The following SGCD variants were observed in gnomAD, a reference collection of about 807,000 sequenced individuals.
SGCD encodes the protein delta-sarcoglycan.
In SGCD, 18 loss-of-function variants were observed where a neutral mutation model predicts 36.6. The observed-to-expected ratio is 0.49, with a 90% CI of 0.34 to 0.73. The LOEUF is 0.73. SGCD is among the 30% of genes least tolerant of loss of function. The pLI, the probability that SGCD is intolerant of heterozygous loss-of-function variation, is 0.01. For missense variants in SGCD, 387 were observed against 346.7 expected, an observed-to-expected ratio of 1.12 and a Z score of -0.92; for synonymous variants, 133 against 130.6, an observed-to-expected ratio of 1.02 and a Z score of -0.12.
chr5:156,495,621 G>T (rs540384350), intron 3 of SGCD, among the ~76,000 whole-genome samples: 1 of 152,108 alleles, frequency 6.6e-6, no homozygotes, highest in Non-Finnish European at 1.5e-5. Context: ...CATCTTAATC[G>T]GACTTTACTG....
upstream of SGCD, among the ~76,000 whole-genome samples, chr5:156,325,855 C>T (rs546409888): frequency 3.6e-4 from 55 of 152,244 alleles, no homozygotes; most frequent in South Asian, 0.01. Flanking sequence ...ACACCGCCTC[C>T]CACCCCACTG....
At chr5:156,382,269 C>T (rs1771024660) in intron 3 of SGCD, among the ~76,000 whole-genome samples, 1 of 152,134 alleles carries the variant, frequency 6.6e-6, no homozygotes, top group South Asian at 2.1e-4. Context: ...CTGCCCTAAA[C>T]ACTCCCCTGC....
chr5:156,146,755 A>G (rs1030487646), intron 3 of SGCD, among the ~76,000 whole-genome samples: 2 of 152,214 alleles, frequency 1.3e-5, no homozygotes, highest in Non-Finnish European at 2.9e-5. Context: ...GCTAACCACT[A>G]GAGAGTTAAA....
chr5:155,738,992 G>T, the SGCD span, among the ~76,000 whole-genome samples: 1 of 152,014 alleles, frequency 6.6e-6, no homozygotes, highest in African/African-American at 2.4e-5. Flanking sequence ...GAAACATGGG[G>T]CCAGGGAAGG....
intron 4 of SGCD, among the ~76,000 whole-genome samples, chr5:156,548,094 A>G (rs947389229): frequency 6.6e-6 from 1 of 152,220 alleles, no homozygotes; most frequent in African/African-American, 2.4e-5. Flanking sequence ...TATGTCCAAT[A>G]GTAGGCACAT....
chr5:155,960,071 T>C (rs1443875890), intron 1 of SGCD, among the ~76,000 whole-genome samples: 2 of 152,110 alleles, frequency 1.3e-5, no homozygotes, highest in African/African-American at 4.8e-5. Flanking sequence ...CTGTGGCTCA[T>C]AGAGTTTGCC....
chr5:156,114,700 C>T (rs943457228), intron 1 of SGCD, among the ~76,000 whole-genome samples: 8 of 151,956 alleles, frequency 5.3e-5, no homozygotes, highest in African/African-American at 1.9e-4. Flanking sequence ...AGACTTTTTC[C>T]TAATCATCAA....
At chr5:156,472,917 A>G (rs1207771963) in intron 3 of SGCD, among the ~76,000 whole-genome samples, 1 of 152,204 alleles carries the variant, frequency 6.6e-6, no homozygotes, top group Admixed American at 6.5e-5. Context: ...AAGTGACAAT[A>G]TTAGTTGAAA....
chr5:155,997,062 T>C (rs1400039398), intron 1 of SGCD, among the ~76,000 whole-genome samples: 3 of 152,222 alleles, frequency 2.0e-5, no homozygotes, highest in Non-Finnish European at 4.4e-5. Context: ...ATTTGTAACT[T>C]CTCAGTTTAT....
intron 6 of SGCD, among the ~76,000 whole-genome samples, chr5:156,601,527 G>C (rs371205101): frequency 7.2e-5 from 11 of 152,052 alleles, no homozygotes; most frequent in African/African-American, 2.4e-4. Flanking sequence ...ATGTTGTTTT[G>C]GTTATTATAG....
intron 3 of SGCD, among the ~76,000 whole-genome samples, chr5:156,353,293 A>G (rs1240004764): frequency 6.6e-6 from 1 of 152,236 alleles, no homozygotes; most frequent in Non-Finnish European, 1.5e-5. Flanking sequence ...AAGATGGGTT[A>G]ATAGAGCTTT....
chr5:156,549,575 G>A (rs968120983), intron 4 of SGCD, among the ~76,000 whole-genome samples: 3 of 152,226 alleles, frequency 2.0e-5, no homozygotes, highest in Non-Finnish European at 2.9e-5. Flanking sequence ...GGGTAGAAAT[G>A]TGTGTTATTT....
At chr5:155,905,803 T>C (rs1053950053) in intron 1 of SGCD, among the ~76,000 whole-genome samples, 20 of 152,114 alleles carry the variant, frequency 1.3e-4, no homozygotes, top group Non-Finnish European at 2.4e-4. Context: ...CTCATTTTTC[T>C]CTTGCTGCCA....
intron 3 of SGCD, among the ~76,000 whole-genome samples, chr5:156,282,960 C>A (rs904785394): frequency 6.6e-6 from 1 of 152,220 alleles, no homozygotes; most frequent in South Asian, 2.1e-4. Flanking sequence ...ACAAGAATTT[C>A]ATGGCTGAAA....
intron 2 of SGCD, among the ~76,000 whole-genome samples, chr5:156,329,984 T>A (rs372016313): frequency 1.2e-4 from 14 of 121,114 alleles, no homozygotes; most frequent in African/African-American, 4.3e-4. Flanking sequence ...GCCACTGCAC[T>A]CCAGCCTGGG....
chr5:156,344,615 A>G lies in SGCD; in HGVS notation c.130A>G (p.Ile44Val), dbSNP rs1768851759. The G allele has an allele frequency of 6.2e-7, 1 of 1,611,892 alleles. No homozygotes were observed. Residue 44 changes from isoleucine to valine, a missense_variant, in exon 3 of 9, where the codon ATT becomes GTT. Ile to Val is a conservative substitution (Grantham distance 29). Coordinates refer to ENST00000337851, the MANE Select transcript of SGCD (RefSeq NM_000337.6). ...GTATTTCTTTGTCCTGCTCCTCATG[A>G]TTTTAATACTGGTGAACTTGGCCAT... ...CLYFFVLLLM[I>V]LILVNLAMTI...
chr5:155,828,791 A>G, the SGCD span, among the ~76,000 whole-genome samples: 1 of 151,794 alleles, frequency 6.6e-6, no homozygotes, highest in East Asian at 2.0e-4. Context: ...GGTTCAAGTG[A>G]TTCCCCTGCC....
rs1755209519 is a variant in SGCD at position 156,716,066 on chromosome 5, A to C, written c.576-41515A>C. 2.6e-5 allele frequency among the ~76,000 whole-genome samples: 4 copies of C among 152,274 alleles called. No individual in the cohort carries two copies. The South Asian group carries it at 8.3e-4, about 32-fold the overall frequency. The stretch of plus-strand genomic sequence containing the variant: ...ATATTTAGTATAAATGATTTTTTTA[A>C]CTAGAAAAATTTGCAAGACAGCCTT... On this transcript the variant is annotated intron_variant, in intron 7 of 8. Coordinates refer to ENST00000337851, the MANE Select transcript of SGCD (RefSeq NM_000337.6).
At chr5:156,380,705 C>T (rs978734389) in intron 3 of SGCD, among the ~76,000 whole-genome samples, 8 of 152,200 alleles carry the variant, frequency 5.3e-5, no homozygotes, top group Non-Finnish European at 1.0e-4. Context: ...TTGGTTTGCT[C>T]ATCTGTAAAA....
Sources: gnomAD v4.1 joint callset for allele counts (sites outside exome capture counted in the v4.1 genomes callset) on GRCh38, gnomAD v4.1.1 for gene constraint, MANE v1.5 for transcripts, NCBI Gene and HGNC (gene_info 2026-07-23, HGNC 2026-07-21) for gene names.